NRXN3: variants seen among roughly 807,000 people sequenced by gnomAD.
NRXN3 encodes the protein neurexin 3, also known as neurexin III.
NRXN3 carries 32 observed loss-of-function variants against 137.6 expected under a neutral mutation model. The observed-to-expected ratio is 0.23, with a 90% confidence interval of 0.18 to 0.31. The LOEUF (loss-of-function observed/expected upper bound fraction) is 0.31. Ranked by LOEUF, NRXN3 falls within the 10% of genes least tolerant of loss-of-function variation. The pLI is 1.00. For synonymous variants in NRXN3, 798 were observed against 784.5 expected (o/e 1.02, Z -0.29); for missense variants, 1,574 against 2,062.5 (o/e 0.76, Z 4.59).
chr14:79,533,880 T>A (rs538867924), intron 16 of NRXN3, among the ~76,000 whole-genome samples: 2 of 152,292 alleles, frequency 1.3e-5, no homozygotes, highest in East Asian at 3.9e-4. Flanking sequence ...ACAGCTCAAG[T>A]AAAAACGCTC....
chr14:79,082,318 G>T (rs1395357583), intron 15 of NRXN3, among the ~76,000 whole-genome samples: 1 of 151,640 alleles, frequency 6.6e-6, no homozygotes, highest in Non-Finnish European at 1.5e-5. Flanking sequence ...GAAAGGCACT[G>T]GCTTCATTCT....
chr14:79,384,034 C>G (rs1207323766), intron 15 of NRXN3, among the ~76,000 whole-genome samples: 2 of 152,102 alleles, frequency 1.3e-5, no homozygotes, highest in African/African-American at 4.8e-5. Flanking sequence ...TGTCTGTTAC[C>G]TGAAGCAATG....
chr14:78,526,888 A>C (rs1202017532), intron 4 of NRXN3: 1 of 434,996 alleles, frequency 2.3e-6, no homozygotes, highest in Non-Finnish European at 4.6e-6. Context: ...AGAAGCTTTC[A>C]GTTTTCACAC....
At chr14:79,249,204 G>T (rs1324912527) in intron 15 of NRXN3, among the ~76,000 whole-genome samples, 1 of 152,110 alleles carries the variant, frequency 6.6e-6, no homozygotes, top group Non-Finnish European at 1.5e-5. Context: ...TAAGTAGGAA[G>T]TAGGGAAAAA....
chr14:79,746,246 T>G (rs180879153), intron 19 of NRXN3, among the ~76,000 whole-genome samples: 46 of 152,256 alleles, frequency 3.0e-4, no homozygotes, highest in African/African-American at 8.2e-4. Flanking sequence ...TCACAACAGA[T>G]GTACTGAATC....
At chr14:79,357,310 T>C (rs1226238135) in intron 15 of NRXN3, among the ~76,000 whole-genome samples, 1 of 152,196 alleles carries the variant, frequency 6.6e-6, no homozygotes, top group Non-Finnish European at 1.5e-5. Context: ...TTTCACAGTA[T>C]TCATAATTTA....
At chr14:78,504,474 A>T (rs899487612) in intron 4 of NRXN3, among the ~76,000 whole-genome samples, 5 of 152,144 alleles carry the variant, frequency 3.3e-5, no homozygotes, top group African/African-American at 1.2e-4. Context: ...TTAAGTCTTT[A>T]ACTCCATGAT....
At chr14:78,286,351 C>T (rs949769794) in intron 3 of NRXN3, among the ~76,000 whole-genome samples, 8 of 152,254 alleles carry the variant, frequency 5.3e-5, no homozygotes, top group Middle Eastern at 3.4e-3. Flanking sequence ...GAGACCATTG[C>T]GAGACTATTC....
At chr14:79,318,857 C>A (rs1030392073) in intron 15 of NRXN3, among the ~76,000 whole-genome samples, 1 of 152,194 alleles carries the variant, frequency 6.6e-6, no homozygotes, top group Non-Finnish European at 1.5e-5. Flanking sequence ...TTTCTTGCCT[C>A]ATTACTCCCA....
intron 8 of NRXN3, among the ~76,000 whole-genome samples, chr14:78,729,820 A>G (rs934633640): frequency 3.3e-5 from 5 of 152,198 alleles, no homozygotes; most frequent in African/African-American, 1.2e-4. Context: ...GCCATCGGCT[A>G]TGTATCCCCA....
At chr14:79,776,133 C>T (rs1437111358) in intron 19 of NRXN3, among the ~76,000 whole-genome samples, 1 of 152,172 alleles carries the variant, frequency 6.6e-6, no homozygotes, top group Non-Finnish European at 1.5e-5. Flanking sequence ...CACATTTCCA[C>T]TACAGCTTTC....
chr14:79,789,450 G>A (rs1184424399), intron 19 of NRXN3, among the ~76,000 whole-genome samples: 1 of 152,180 alleles, frequency 6.6e-6, no homozygotes, highest in Non-Finnish European at 1.5e-5. Flanking sequence ...ACAGGGTACA[G>A]TGAAAGCAAG....
intron 20 of NRXN3, chr14:79,853,687 TC>T: frequency 7.8e-7 from 1 of 1,286,570 alleles, no homozygotes; most frequent in Non-Finnish European, 1.0e-6. Flanking sequence ...CTTCCCATTC[TC>T]CCCCTTTCTT....
chr14:78,224,676 T>C (rs191731086), intron 1 of NRXN3, among the ~76,000 whole-genome samples: 2,399 of 152,066 alleles, frequency 0.016, 68 homozygotes, highest in African/African-American at 0.055. Context: ...AGTCTATCAT[T>C]ATTGGACATT....
intron 6 of NRXN3, among the ~76,000 whole-genome samples, chr14:78,694,354 A>C (rs1221156041): frequency 6.6e-6 from 1 of 151,858 alleles, no homozygotes; most frequent in Non-Finnish European, 1.5e-5. Flanking sequence ...TATTTTAGGG[A>C]AGGGCCAATG....
At chr14:79,183,455 T>C (rs955042446) in intron 15 of NRXN3, among the ~76,000 whole-genome samples, 1 of 152,226 alleles carries the variant, frequency 6.6e-6, no homozygotes, top group African/African-American at 2.4e-5. Flanking sequence ...CCAAGTCCTC[T>C]GAGAACCCCA....
chr14:79,371,243 G>A (rs941197960), intron 15 of NRXN3, among the ~76,000 whole-genome samples: 2 of 152,080 alleles, frequency 1.3e-5, no homozygotes, highest in African/African-American at 2.4e-5. Flanking sequence ...TCATGTGTTT[G>A]TAAGGAATAA....
intron 4 of NRXN3, among the ~76,000 whole-genome samples, chr14:78,642,243 A>T (rs1050354079): frequency 2.0e-5 from 3 of 152,196 alleles, no homozygotes; most frequent in Non-Finnish European, 4.4e-5. Flanking sequence ...ACTAACTGTG[A>T]TGTCTCAGGC....
At chr14:78,535,661 A>G (rs2096528772) in intron 4 of NRXN3, among the ~76,000 whole-genome samples, 1 of 152,206 alleles carries the variant, frequency 6.6e-6, no homozygotes. Flanking sequence ...GATATGATGT[A>G]GTTGAAAGAG....
Sources: allele counts gnomAD v4.1 joint callset (sites outside exome capture counted in the v4.1 genomes callset), GRCh38; gene constraint gnomAD v4.1.1; transcripts MANE v1.5; gene names NCBI Gene and HGNC (gene_info 2026-07-23, HGNC 2026-07-21).